Variants in SMAD5 observed in about 807,000 individuals in gnomAD.
The protein encoded by SMAD5 is MAD, mothers against decapentaplegic homolog 5.
A neutral mutation model predicts 43.1 loss-of-function variants in SMAD5; 9 were observed. The ratio of observed to expected loss-of-function variants is 0.21; its 90% CI spans 0.13 to 0.36. The LOEUF (loss-of-function observed/expected upper bound fraction) is 0.36, where lower values mean the gene tolerates loss of function less well. SMAD5 is among the 10% of genes least tolerant of loss of function. The pLI is 1.00. For missense variants in SMAD5, 348 were observed against 574.0 expected (o/e 0.61, Z 4.02); for synonymous variants, 190 against 192.4 (o/e 0.99, Z 0.10).
intron 5 of SMAD5, among the ~76,000 whole-genome samples, chr5:136,172,185 A>G (rs889159580): frequency 7.2e-5 from 11 of 152,220 alleles, no homozygotes; most frequent in Non-Finnish European, 1.6e-4. Context: ...ACGGTATTTT[A>G]TAGCCTGAGC....
chr5:136,161,208 TA>T (rs1554103231), intron 4 of SMAD5, 101 bp downstream of exon 4: 1 of 477,516 alleles, frequency 2.1e-6, no homozygotes, highest in Admixed American at 4.8e-5. Flanking sequence ...TGCCAAGGTA[TA>T]ATAGCTGTTT....
rs1262110063 is a variant in SMAD5 at position 136,179,522 on chromosome 5, G to A, written c.*2042G>A. The stretch of plus-strand genomic sequence containing the variant: ...TTATGCAATTTCTTTTGTTTTCTGT[G>A]TCATTATTTATTGCTTTTTCAATGT... On this transcript the variant is annotated 3_prime_UTR_variant, in exon 8 of 8. Coordinates refer to ENST00000545279, the MANE Select transcript of SMAD5 (RefSeq NM_005903.7). The A allele has an allele frequency of 6.6e-6, 1 of 152,202 alleles. No homozygotes were observed. Among genetic ancestry groups the A allele is most frequent in the Non-Finnish European group, 1.5e-5 (1 of 67,970 alleles). The allele number at this position is 152,202 out of a possible 1,614,324, so 9.4% of individuals were successfully genotyped here.
At chr5:136,140,306 G>A (rs995755541) in intron 1 of SMAD5, among the ~76,000 whole-genome samples, 5 of 152,106 alleles carry the variant, frequency 3.3e-5, no homozygotes, top group Non-Finnish European at 7.4e-5. Context: ...AGTGTAAGTC[G>A]AGAACTATCA....
At chr5:136,162,281 G>C (rs1325520220) in intron 4 of SMAD5, among the ~76,000 whole-genome samples, 1 of 152,140 alleles carries the variant, frequency 6.6e-6, no homozygotes, top group Non-Finnish European at 1.5e-5. Flanking sequence ...AACAAACATG[G>C]GGAGAATGTT....
At position 136,166,571 on chromosome 5, in the gene SMAD5, A is replaced by G. The variant is rs115617796; in HGVS notation, c.775+3180A>G. 3.4e-3 allele frequency among the ~76,000 whole-genome samples: 513 copies of G among 152,254 alleles called. 6 individuals are homozygous for G. The highest frequency in any genetic ancestry group is 0.011 in the African/African-American group (477 of 41,544). ...TGTTTCTCTACTTATTTGCTTTGCA[A>G]TGTAGGTAGTTTTTAAATCTCTAAG... On this transcript the variant is annotated intron_variant, in intron 5 of 7. Coordinates refer to ENST00000545279, the MANE Select transcript of SMAD5 (RefSeq NM_005903.7).
At chr5:136,150,965 T>C (rs1753436219) in intron 2 of SMAD5, among the ~76,000 whole-genome samples, 1 of 152,218 alleles carries the variant, frequency 6.6e-6, no homozygotes. Context: ...GGCTCAAGCC[T>C]ATAATGCCAT....
At chr5:136,163,988 G>A (rs988234660) in intron 5 of SMAD5, among the ~76,000 whole-genome samples, 1 of 152,214 alleles carries the variant, frequency 6.6e-6, no homozygotes, top group Non-Finnish European at 1.5e-5. Context: ...CAAAACCCCA[G>A]CCTGGCCAAT....
At chr5:136,138,766 C>G (rs1476946191) in intron 1 of SMAD5, among the ~76,000 whole-genome samples, 1 of 152,104 alleles carries the variant, frequency 6.6e-6, no homozygotes, top group Non-Finnish European at 1.5e-5. Flanking sequence ...CACCTTGGTT[C>G]CCAAGCCTCC....
intron 1 of SMAD5, among the ~76,000 whole-genome samples, chr5:136,137,270 A>ACCCCCCCCCCCCCCCCCC (rs61537356): frequency 1.6e-5 from 2 of 125,228 alleles, no homozygotes; most frequent in African/African-American, 3.1e-5. Context: ...ATTTTTTGGG[A>ACCCCCCCCCCCCCCCCCC]CCCCCCCCCG....
At chr5:136,160,831 A>G in intron 3 of SMAD5, 25 bp from the exon 4 acceptor site, 2 of 1,611,120 alleles carry the variant, frequency 1.2e-6, no homozygotes, top group Non-Finnish European at 1.7e-6. Flanking sequence ...TTCCTGACAA[A>G]TGACTTTTGA....
At chr5:136,173,650 T>C (rs1754300923) in intron 6 of SMAD5, among the ~76,000 whole-genome samples, 2 of 151,966 alleles carry the variant, frequency 1.3e-5, no homozygotes, top group Non-Finnish European at 2.9e-5. Context: ...CTAGAATCAG[T>C]TTTTTCTTTT....
chr5:136,171,661 A>G (rs1754224331), intron 5 of SMAD5, among the ~76,000 whole-genome samples: 1 of 152,230 alleles, frequency 6.6e-6, no homozygotes, highest in Admixed American at 6.5e-5. Context: ...ATAGGTTTAC[A>G]GCTGGAAAGG....
rs970365575 is a variant in SMAD5 at position 136,179,229 on chromosome 5, G to C, written c.*1749G>C. 14 of 152,390 alleles carry C rather than the reference G, an allele frequency of 9.2e-5. No individual in the cohort carries two copies. Among genetic ancestry groups the C allele is most frequent in the Admixed American group, 3.3e-4 (5 of 15,252 alleles). 9.4% of individuals were successfully genotyped at this position (152,390 alleles called of 1,614,324 possible). A position where few individuals can be genotyped will look rare whatever the true frequency, so the allele number is the denominator to read the frequency against. ...CCAAAATATCCATTTAATCAATCAT[G>C]TTTTTGGCTTTGGATAAAGAACTTT... On this transcript the variant is annotated 3_prime_UTR_variant, in exon 8 of 8. Coordinates refer to ENST00000545279, the MANE Select transcript of SMAD5 (RefSeq NM_005903.7).
chr5:136,154,903 AAGAC>A, intron 3 of SMAD5, among the ~76,000 whole-genome samples: 1 of 152,158 alleles, frequency 6.6e-6, no homozygotes, highest in Non-Finnish European at 1.5e-5. Context: ...TTTGGCCCCT[AAGAC>A]AGTATGCTAT....
chr5:136,172,448 G>A lies in SMAD5; in HGVS notation c.790G>A (p.Ala264Thr). The change falls in exon 6 of 8, where the codon GCC (alanine) becomes ACC (threonine). Residue 264 changes from alanine to threonine, a missense_variant. By Grantham distance (58) the Ala-to-Thr change is moderately conservative (BLOSUM62 0). This residue lies in a region of SMAD5 where 185 missense variants were observed against 207.0 expected (regional missense o/e 0.89). Coordinates refer to ENST00000545279, the MANE Select transcript of SMAD5 (RefSeq NM_005903.7). ...TTTGTTCACAGATGTTCAGCCTGTT[G>A]CCTATGAAGAGCCTAAACATTGGTG... is the stretch of plus-strand genomic sequence containing the variant. Reference protein sequence around the residue: ...SISSRDVQPVAYEEPKHWCSI... With the variant: ...SISSRDVQPVTYEEPKHWCSI... 6.2e-7 allele frequency: 1 copy of A among 1,604,494 alleles called. No individual in the cohort carries two copies. The highest frequency in any genetic ancestry group is 8.5e-7 in the Non-Finnish European group (1 of 1,172,230).
At chr5:136,176,100 A>G (rs1231054363) in intron 7 of SMAD5, among the ~76,000 whole-genome samples, 10 of 152,090 alleles carry the variant, frequency 6.6e-5, no homozygotes, top group East Asian at 5.8e-4. Context: ...GTATTGATCA[A>G]TATCTACAAT....
rs1754510393 is a variant in SMAD5, at chr5:136,178,582, AG to A, written c.*1103del. The A allele has an allele frequency of 6.6e-6, 1 of 152,184 alleles. No homozygotes were observed. The highest frequency in any genetic ancestry group is 1.5e-5 in the Non-Finnish European group (1 of 68,042). 9.4% of individuals were successfully genotyped at this position (152,184 alleles called of 1,614,324 possible). A position where few individuals can be genotyped will look rare whatever the true frequency, so the allele number is the denominator to read the frequency against. ...TCCCTACAGTTTTATGGGTGTTATC[AG>A]TGCTGGAGAATCATGTAGTTAATCC... On this transcript the variant is annotated 3_prime_UTR_variant, in exon 8 of 8. Transcript: ENST00000545279.
At chr5:136,163,492 T>C in intron 5 of SMAD5, 101 bp downstream of exon 5, 2 of 987,256 alleles carry the variant, frequency 2.0e-6, no homozygotes, top group Non-Finnish European at 2.8e-6. Context: ...ATTTATATGC[T>C]ATAAAATTTT....
intron 7 of SMAD5, among the ~76,000 whole-genome samples, chr5:136,174,954 A>G (rs1369703525): frequency 2.0e-5 from 3 of 152,240 alleles, no homozygotes; most frequent in Non-Finnish European, 4.4e-5. Flanking sequence ...GCTAATAGAC[A>G]TACTCAAGAC....
Sources: gnomAD v4.1 joint callset for allele counts (sites outside exome capture counted in the v4.1 genomes callset) on GRCh38, gnomAD v4.1.1 for gene constraint, gnomAD v4.1.1 regional missense constraint, MANE v1.5 for transcripts, NCBI Gene and HGNC (gene_info 2026-07-23, HGNC 2026-07-21) for gene names.